The following ENTREP2 variants were observed in gnomAD, a reference collection of about 807,000 sequenced individuals.
The protein encoded by ENTREP2 is endosomal transmembrane epsin interactor 2.
the ENTREP2 span, among the ~76,000 whole-genome samples, chr15:29,480,229 T>C: frequency 6.8e-6 from 1 of 147,228 alleles, no homozygotes; most frequent in Non-Finnish European, 1.5e-5. Context: ...TATCTAAGCC[T>C]CAAAACACTG....
At chr15:29,424,312 CTGATTGGTCCATTTTACAGAGCGT>C in the ENTREP2 span, among the ~76,000 whole-genome samples, 283 of 152,270 alleles carry the variant, frequency 1.9e-3, 1 homozygote, top group Middle Eastern at 3.4e-3. Context: ...CCACATCCTG[CTGATTGGTCCATTTTACAGAGCGT>C]TGATTGGTCC....
chr15:29,544,225 G>A, the ENTREP2 span, among the ~76,000 whole-genome samples: 3 of 152,156 alleles, frequency 2.0e-5, no homozygotes, highest in Admixed American at 1.3e-4. Context: ...AGAAAAATAG[G>A]CATTAGAGTA....
At chr15:29,130,288 G>A in the ENTREP2 span, among the ~76,000 whole-genome samples, 4 of 152,174 alleles carry the variant, frequency 2.6e-5, no homozygotes, top group African/African-American at 7.2e-5. Context: ...TCTGCTGGGA[G>A]GGAATCGGTG....
At chr15:29,364,335 C>T in the ENTREP2 span, among the ~76,000 whole-genome samples, 111 of 152,314 alleles carry the variant, frequency 7.3e-4, no homozygotes, top group African/African-American at 2.5e-3. Flanking sequence ...CTGCCACACA[C>T]CTGCCCTGTG....
chr15:29,522,683 C>A, the ENTREP2 span, among the ~76,000 whole-genome samples: 5 of 152,152 alleles, frequency 3.3e-5, no homozygotes. Context: ...AGAACCCTGG[C>A]AAAACATGGC....
the ENTREP2 span, among the ~76,000 whole-genome samples, chr15:29,521,356 A>C: frequency 6.6e-6 from 1 of 152,240 alleles, no homozygotes; most frequent in South Asian, 2.1e-4. Flanking sequence ...GAAGAAGAGG[A>C]ACAAAGAGAA....
At chr15:29,137,272 G>C in the ENTREP2 span, 1 of 1,271,492 alleles carries the variant, frequency 7.9e-7, no homozygotes, top group Non-Finnish European at 1.1e-6. Flanking sequence ...TTATACGAGA[G>C]CTTTAATGAT....
At chr15:29,383,367 G>A in the ENTREP2 span, among the ~76,000 whole-genome samples, 5 of 152,268 alleles carry the variant, frequency 3.3e-5, no homozygotes, top group African/African-American at 7.2e-5. Context: ...CACTCAAGCC[G>A]AAATCCTGGA....
the ENTREP2 span, among the ~76,000 whole-genome samples, chr15:29,625,125 T>TA: frequency 2.0e-5 from 3 of 152,150 alleles, no homozygotes; most frequent in African/African-American, 2.4e-5. Context: ...CAATATTTTT[T>TA]AAAAAAACCA....
At chr15:29,604,137 G>C in the ENTREP2 span, among the ~76,000 whole-genome samples, 2 of 151,784 alleles carry the variant, frequency 1.3e-5, no homozygotes, top group Non-Finnish European at 2.9e-5. Context: ...ACTGGATAAA[G>C]AAAGTGAGTG....
the ENTREP2 span, among the ~76,000 whole-genome samples, chr15:29,238,103 G>T: frequency 6.6e-6 from 1 of 152,122 alleles, no homozygotes; most frequent in Non-Finnish European, 1.5e-5. Flanking sequence ...AGTCATAAAA[G>T]ACTACATATT....
At chr15:29,251,266 C>A in the ENTREP2 span, among the ~76,000 whole-genome samples, 13 of 152,318 alleles carry the variant, frequency 8.5e-5, no homozygotes, top group East Asian at 2.5e-3. Context: ...TGTCCCCATA[C>A]CCAGGGAACC....
At chr15:29,637,895 A>G in the ENTREP2 span, among the ~76,000 whole-genome samples, 1 of 152,128 alleles carries the variant, frequency 6.6e-6, no homozygotes, top group Non-Finnish European at 1.5e-5. Context: ...GGAGACATCT[A>G]CAGCAAGCTA....
the ENTREP2 span, among the ~76,000 whole-genome samples, chr15:29,444,172 A>ATAC: frequency 3.1e-5 from 1 of 32,630 alleles, no homozygotes; most frequent in East Asian, 8.1e-4. Context: ...AAGACAGACA[A>ATAC]AGAAAGAAAG....
At chr15:29,432,259 T>C in the ENTREP2 span, among the ~76,000 whole-genome samples, 1 of 152,212 alleles carries the variant, frequency 6.6e-6, no homozygotes. Context: ...CCTACAGCCC[T>C]GGGCTTTGGT....
At chr15:29,610,392 T>G in the ENTREP2 span, 1 of 150,606 alleles carries the variant, frequency 6.6e-6, no homozygotes, top group African/African-American at 2.4e-5. Flanking sequence ...TGTAAACAGA[T>G]GAGGCTGCTT....
the ENTREP2 span, among the ~76,000 whole-genome samples, chr15:29,545,647 G>A: frequency 6.6e-6 from 1 of 152,168 alleles, no homozygotes; most frequent in East Asian, 1.9e-4. Context: ...CAGTGATTTA[G>A]TTTGTGATGA....
chr15:29,608,557 A>ATTTAT, the ENTREP2 span, among the ~76,000 whole-genome samples: 2 of 99,570 alleles, frequency 2.0e-5, no homozygotes, highest in African/African-American at 3.6e-5. Flanking sequence ...TTATTTATTT[A>ATTTAT]TTATTATTAT....
chr15:29,231,807 A>G, the ENTREP2 span, among the ~76,000 whole-genome samples: 1 of 152,026 alleles, frequency 6.6e-6, no homozygotes, highest in Non-Finnish European at 1.5e-5. Context: ...TTATAGCAAT[A>G]CAGGTCATCT....
Sources: allele counts gnomAD v4.1 joint callset (sites outside exome capture counted in the v4.1 genomes callset), GRCh38; gene constraint gnomAD v4.1.1; transcripts MANE v1.5; gene names NCBI Gene and HGNC (gene_info 2026-07-23, HGNC 2026-07-21).